Variants in DIAPH2 observed in about 807,000 individuals in gnomAD.
The protein encoded by DIAPH2 is protein diaphanous homolog 2.
In DIAPH2, 35 loss-of-function variants were observed where a neutral mutation model predicts 92.7. That is an observed-to-expected ratio of 0.38 (90% CI 0.29 to 0.50). DIAPH2 has a LOEUF of 0.50. Ranked by LOEUF, DIAPH2 falls within the 20% of genes least tolerant of loss-of-function variation. The pLI, the probability that DIAPH2 is intolerant of heterozygous loss-of-function variation, is 0.94. For synonymous variants in DIAPH2, 301 were observed against 280.4 expected (o/e 1.07, Z -0.73); for missense variants, 701 against 819.5 (o/e 0.86, Z 1.77).
At chrX:96,913,527 C>A (rs2065482904) in intron 7 of DIAPH2, among the ~76,000 whole-genome samples, 1 of 111,062 alleles carries the variant, frequency 9.0e-6, no homozygotes, top group Non-Finnish European at 1.9e-5. Context: ...GTGTTGTTCC[C>A]AATTTTGGTA....
At position 97,602,596 on chromosome X, in the gene DIAPH2, T is replaced by C. The variant is rs1358541253; in HGVS notation, c.*3279T>C. 8.9e-6 allele frequency: 1 copy of C among 112,328 alleles called. No individual in the cohort carries two copies. The highest frequency in any genetic ancestry group is 1.9e-5 in the Non-Finnish European group (1 of 53,278). 9.3% of individuals were successfully genotyped at this position (112,328 alleles called of 1,213,427 possible). On this transcript the variant is annotated 3_prime_UTR_variant, in exon 27 of 27. Transcript: ENST00000324765. ...ATTTCAAGGCCTGGCAGTAATCCTC[T>C]TTCTCAGGGCTCCACCCTTTGGGCC... is the stretch of plus-strand genomic sequence containing the variant.
intron 24 of DIAPH2, among the ~76,000 whole-genome samples, chrX:97,377,760 A>G (rs746545058): frequency 2.7e-5 from 3 of 111,410 alleles, no homozygotes; most frequent in Non-Finnish European, 3.8e-5. Context: ...TAAAGAGGAC[A>G]ATTTCCTATT....
chrX:97,468,659 C>T (rs2070536009), intron 26 of DIAPH2, among the ~76,000 whole-genome samples: 1 of 106,115 alleles, frequency 9.4e-6, no homozygotes, highest in African/African-American at 3.4e-5. Flanking sequence ...AAAAAAACAT[C>T]GTATTACTTG....
intron 19 of DIAPH2, among the ~76,000 whole-genome samples, chrX:97,093,204 C>T (rs1420284904): frequency 1.1e-4 from 7 of 65,312 alleles, no homozygotes; most frequent in Admixed American, 2.5e-4. Context: ...AAAGAAAGAA[C>T]GAAAGAGAGA....
At chrX:97,177,445 T>A (rs776184911) in intron 22 of DIAPH2, among the ~76,000 whole-genome samples, 20 of 111,349 alleles carry the variant, frequency 1.8e-4, no homozygotes, top group African/African-American at 5.5e-4. Flanking sequence ...TTTGCTGATT[T>A]CACTCACCAA....
Position 97,210,371 on chromosome X carries a change from T to G in DIAPH2, c.2720-37344T>G, listed in dbSNP as rs776082658. Among the ~76,000 whole-genome samples, 4 of 112,189 alleles carry G rather than the reference T, an allele frequency of 3.6e-5. No homozygotes were observed. The South Asian group carries it at 1.5e-3, about 42-fold the overall frequency. On this transcript the variant is annotated intron_variant, in intron 22 of 26. Coordinates refer to ENST00000324765, the MANE Select transcript of DIAPH2 (RefSeq NM_006729.5). ...TCAGGAAATCACTTCTTAATTAGTA[T>G]AGCTTTTAGTATATCTTTTGGACAT...
chrX:97,363,619 T>C lies in DIAPH2; in HGVS notation c.3009+15339T>C, dbSNP rs773882810. On this transcript the variant is annotated intron_variant, in intron 24 of 26. Transcript: ENST00000324765. ...AGGCGAAGGTTGCTGTGAGCCGATA[T>C]CACGCCACTGCACTCCAGCCTGGGT... is the stretch of plus-strand genomic sequence containing the variant. Among the ~76,000 whole-genome samples the C allele has an allele frequency of 3.3e-5, 3 of 89,720 alleles. No individual in the cohort carries two copies. The Admixed American group carries it at 4.5e-4, about 14-fold the overall frequency. 77.9% of individuals were successfully genotyped at this position (89,720 alleles called of 115,157 possible). A position where few individuals can be genotyped will look rare whatever the true frequency, so the allele number is the denominator to read the frequency against.
At chrX:97,126,362 TA>T (rs1486033683) in intron 21 of DIAPH2, among the ~76,000 whole-genome samples, 1 of 111,984 alleles carries the variant, frequency 8.9e-6, no homozygotes, top group African/African-American at 3.2e-5. Context: ...GAAGGAAGTT[TA>T]TAAAGTAGCA....
intron 26 of DIAPH2, among the ~76,000 whole-genome samples, chrX:97,554,057 T>G (rs2071240501): frequency 3.6e-5 from 4 of 111,768 alleles, no homozygotes; most frequent in African/African-American, 1.3e-4. Flanking sequence ...ATATTCACAT[T>G]CATTTTCATA....
intron 5 of DIAPH2, among the ~76,000 whole-genome samples, chrX:96,901,862 T>C (rs1382477028): frequency 9.0e-6 from 1 of 111,076 alleles, no homozygotes; most frequent in Admixed American, 9.7e-5. Flanking sequence ...CTCTAGTTAC[T>C]TGAGGTGTGA....
chrX:96,838,222 G>A (rs764835461), intron 4 of DIAPH2, among the ~76,000 whole-genome samples: 1 of 111,680 alleles, frequency 9.0e-6, no homozygotes, highest in African/African-American at 3.3e-5. Context: ...GCAATGAGAC[G>A]TGTTTTATTA....
chrX:97,241,534 G>A (rs1413939910), intron 22 of DIAPH2, among the ~76,000 whole-genome samples: 2 of 110,678 alleles, frequency 1.8e-5, no homozygotes, highest in Admixed American at 1.9e-4. Context: ...TCCTGACCTC[G>A]TGATCCGACC....
intron 19 of DIAPH2, among the ~76,000 whole-genome samples, chrX:97,082,668 G>A (rs1401725871): frequency 1.8e-5 from 2 of 110,694 alleles, no homozygotes; most frequent in African/African-American, 6.6e-5. Flanking sequence ...AAAAACAAGT[G>A]TAAAACTTGG....
At chrX:96,876,281 G>A (rs1041346805) in intron 4 of DIAPH2, among the ~76,000 whole-genome samples, 1 of 111,662 alleles carries the variant, frequency 9.0e-6, no homozygotes, top group Non-Finnish European at 1.9e-5. Context: ...AGAGGATGTG[G>A]AGAAATAGGA....
intron 5 of DIAPH2, among the ~76,000 whole-genome samples, chrX:96,899,856 C>T (rs1465553671): frequency 9.0e-6 from 1 of 110,817 alleles, no homozygotes; most frequent in Non-Finnish European, 1.9e-5. Context: ...ATGATATTGG[C>T]TGTGGGTTTG....
chrX:96,949,182 T>G (rs2147809686), intron 15 of DIAPH2, 143 bp downstream of exon 15: 1 of 356,765 alleles, frequency 2.8e-6, no homozygotes, highest in Admixed American at 5.5e-5. Flanking sequence ...TATACAGATT[T>G]TATATTCCAG....
At chrX:96,796,203 G>A (rs201931203) in intron 4 of DIAPH2, among the ~76,000 whole-genome samples, 2 of 110,022 alleles carry the variant, frequency 1.8e-5, no homozygotes, top group East Asian at 2.8e-4. Context: ...GTTTTGAGAC[G>A]GAGTCTCACT....
At chrX:97,298,340 GTGT>G (rs1355745729) in intron 23 of DIAPH2, among the ~76,000 whole-genome samples, 2 of 103,083 alleles carry the variant, frequency 1.9e-5, no homozygotes, top group Admixed American at 1.1e-4. Context: ...GGTGAAGGAA[GTGT>G]TGTAGTTTCT....
Position 97,600,552 on chromosome X carries a change from A to AAAAC in DIAPH2, c.*1237_*1240dup, listed in dbSNP as rs1470530388. On this transcript the variant is annotated 3_prime_UTR_variant, in exon 27 of 27. Coordinates refer to ENST00000324765, the MANE Select transcript of DIAPH2 (RefSeq NM_006729.5). The stretch of plus-strand genomic sequence containing the variant: ...TGCTGCCAAAACAAGTCTAGCAGGG[A>AAAAC]AAACAGGTTCTACATTTTTCTTAAA... 2 of 112,456 alleles carry AAAAC rather than the reference A, an allele frequency of 1.8e-5. No homozygotes were observed. Among genetic ancestry groups the AAAAC allele is most frequent in the East Asian group, 5.5e-4 (2 of 3,619 alleles). The allele number at this position is 112,456 out of a possible 1,213,427, so 9.3% of individuals were successfully genotyped here.
Sources: allele counts gnomAD v4.1 joint callset (sites outside exome capture counted in the v4.1 genomes callset), GRCh38; gene constraint gnomAD v4.1.1; transcripts MANE v1.5; gene names NCBI Gene and HGNC (gene_info 2026-07-23, HGNC 2026-07-21).